The following GRK5 variants were observed in gnomAD, a reference collection of about 807,000 sequenced individuals.
GRK5 encodes g protein-coupled receptor kinase GRK5.
A neutral mutation model predicts 78.4 loss-of-function variants in GRK5; 40 were observed. The ratio of observed to expected loss-of-function variants is 0.51; its 90% CI spans 0.40 to 0.66. GRK5 has a LOEUF of 0.66. Among genes scored for constraint, GRK5 ranks in the 30% least tolerant of loss-of-function variants. The pLI, the probability that GRK5 is intolerant of heterozygous loss-of-function variation, is 0.00. For missense variants in GRK5, 598 were observed against 759.9 expected, an observed-to-expected ratio of 0.79 and a Z score of 2.50; for synonymous variants, 289 against 296.8, an observed-to-expected ratio of 0.97 and a Z score of 0.27.
intron 2 of GRK5, among the ~76,000 whole-genome samples, chr10:119,346,570 G>A (rs1284490083): frequency 6.6e-6 from 1 of 152,204 alleles, no homozygotes; most frequent in South Asian, 2.1e-4. Flanking sequence ...CGTCAGTGCC[G>A]GCTGCTCTGG....
At chr10:119,385,258 T>C (rs927558732) in intron 3 of GRK5, among the ~76,000 whole-genome samples, 3 of 107,856 alleles carry the variant, frequency 2.8e-5, no homozygotes, top group African/African-American at 1.4e-4. Flanking sequence ...TGGGGTTTTA[T>C]TTTATTTTAT....
At chr10:119,229,880 A>G (rs4752265) in intron 1 of GRK5, among the ~76,000 whole-genome samples, 152,242 of 152,346 alleles carry the variant, frequency 1, 76,069 homozygotes, top group Middle Eastern at 1. Context: ...ATTAGGTTTC[A>G]TTGTCTTTTG....
Position 119,436,747 on chromosome 10 carries a change from G to T in GRK5, c.835G>T (p.Gly279Cys). The T allele has an allele frequency of 6.2e-7, 1 of 1,614,192 alleles. No individual in the cohort carries two copies. The highest frequency in any genetic ancestry group is 8.5e-7 in the Non-Finnish European group (1 of 1,180,010). ...GDLKFHIYNM[G>C]NPGFEEERAL... is the part of the protein sequence containing the mutation. ...CCTGAAGTTCCACATCTACAACATG[G>T]GCAACCCTGGCTTCGAGGAGGAGCG... is the stretch of plus-strand genomic sequence containing the variant. Residue 279 changes from glycine (G) to cysteine (C), a missense_variant, in exon 9 of 16, where the codon GGC becomes TGC. Transcript: ENST00000392870.
At position 119,412,169 on chromosome 10, in the gene GRK5, G is replaced by A. The variant is rs1258735107; in HGVS notation, c.340-10997G>A. On this transcript the variant is annotated intron_variant, in intron 4 of 15. Coordinates refer to ENST00000392870, the MANE Select transcript of GRK5 (RefSeq NM_005308.3). This position sits in a 1 kb window ranked among gnomAD's most constrained non-coding sequence, Gnocchi z 4.3. ...CCCGGCCTCAGATCCGCTTCTGATT[G>A]GAGGCTGTGCCCACCTTCATGGGAA... Among the ~76,000 whole-genome samples, 2 of 152,064 alleles carry A rather than the reference G, an allele frequency of 1.3e-5. No individual in the cohort carries two copies. The highest frequency in any genetic ancestry group is 1.3e-4 in the Admixed American group (2 of 15,270).
rs201159409 is a variant in GRK5, at chr10:119,439,799, G to A, written c.967+31G>A. 4.2e-4 allele frequency: 667 copies of A among 1,606,262 alleles called. 2 individuals are homozygous for A. The highest frequency in any genetic ancestry group is 4.5e-4 in the Non-Finnish European group (533 of 1,174,090). On this transcript the variant is annotated intron_variant, in intron 10 of 15. Coordinates refer to ENST00000392870, the MANE Select transcript of GRK5 (RefSeq NM_005308.3). The stretch of plus-strand genomic sequence containing the variant: ...TCTTTTCCTACTCGGTAGCTGAGGT[G>A]AGCATTGCAACCCCAAGAAAGCAAA...
At chr10:119,288,061 T>A (rs1009060185) in intron 1 of GRK5, among the ~76,000 whole-genome samples, 1 of 152,222 alleles carries the variant, frequency 6.6e-6, no homozygotes, top group African/African-American at 2.4e-5. Flanking sequence ...CTCTTAGGGT[T>A]AGCCCAGAGC....
chr10:119,356,343 A>C (rs1328217987), intron 2 of GRK5, among the ~76,000 whole-genome samples: 1 of 152,238 alleles, frequency 6.6e-6, no homozygotes, highest in Non-Finnish European at 1.5e-5. Context: ...GTTGAATGTT[A>C]GTGGTCCATC....
chr10:119,233,054 T>C (rs1421217727), intron 1 of GRK5, among the ~76,000 whole-genome samples: 1 of 152,160 alleles, frequency 6.6e-6, no homozygotes, highest in Non-Finnish European at 1.5e-5. Context: ...GTCAGCTTGG[T>C]CTGGGCCTCC....
At chr10:119,432,120 T>G (rs1217287981) in intron 8 of GRK5, among the ~76,000 whole-genome samples, 1 of 152,182 alleles carries the variant, frequency 6.6e-6, no homozygotes, top group East Asian at 1.9e-4. Flanking sequence ...TGCTAGGGGT[T>G]CCACACAGAG....
At chr10:119,373,097 T>A (rs1851571381) in intron 2 of GRK5, among the ~76,000 whole-genome samples, 1 of 152,250 alleles carries the variant, frequency 6.6e-6, no homozygotes, top group South Asian at 2.1e-4. Flanking sequence ...ATAAAGCAGT[T>A]GGCTGTTGTC....
intron 1 of GRK5, among the ~76,000 whole-genome samples, chr10:119,313,242 G>A (rs1589738509): frequency 6.7e-6 from 1 of 148,872 alleles, no homozygotes; most frequent in Non-Finnish European, 1.5e-5. Flanking sequence ...GATGGTGGTG[G>A]TAATGGTGGT....
chr10:119,221,743 AAT>A (rs1246526131), intron 1 of GRK5, among the ~76,000 whole-genome samples: 2 of 152,150 alleles, frequency 1.3e-5, no homozygotes, highest in Non-Finnish European at 2.9e-5. Context: ...GAAGAATCAT[AAT>A]AATTTGTGAA....
At chr10:119,454,895 C>T (rs1853371283) in intron 15 of GRK5, 74 bp from the exon 16 acceptor site, 13 of 976,242 alleles carry the variant, frequency 1.3e-5, no homozygotes, top group Non-Finnish European at 2.0e-5. Flanking sequence ...GCAGAGGCAG[C>T]CCCGACCCAT....
chr10:119,282,218 T>C (rs1264312021), intron 1 of GRK5, among the ~76,000 whole-genome samples: 1 of 152,178 alleles, frequency 6.6e-6, no homozygotes, highest in Non-Finnish European at 1.5e-5. Context: ...ATTACTTTAG[T>C]ATCGTGAGTG....
At chr10:119,451,175 C>T (rs1452322967) in intron 13 of GRK5, among the ~76,000 whole-genome samples, 1 of 150,178 alleles carries the variant, frequency 6.7e-6, no homozygotes, top group Admixed American at 6.6e-5. Flanking sequence ...ACACCACTGT[C>T]GGGGCTGCTG....
intron 1 of GRK5, among the ~76,000 whole-genome samples, chr10:119,237,806 G>A (rs542839679): frequency 1.3e-5 from 2 of 152,128 alleles, no homozygotes; most frequent in Non-Finnish European, 2.9e-5. Context: ...CAAAGGAAAT[G>A]GAAGCAAGTG....
In GRK5 at chr10:119,240,189, CTTTTTTTTTTTTTT is replaced by C. The variant is rs55905745; in HGVS notation, c.52+32236_52+32249del. On this transcript the variant is annotated intron_variant, in intron 1 of 15. Coordinates refer to ENST00000392870, the MANE Select transcript of GRK5 (RefSeq NM_005308.3). ...ATCCTCTCCAGCATCTGTTTCCCGA[CTTTTTTTTTTTTTT>C]TTTTTTTTTTTTTTTGAGACGGAGT... Among the ~76,000 whole-genome samples, 329 of 70,102 alleles carry C rather than the reference CTTTTTTTTTTTTTT, an allele frequency of 4.7e-3. 3 individuals carry two copies. The highest frequency in any genetic ancestry group is 0.019 in the African/African-American group (314 of 16,220). The allele number at this position is 70,102 out of a possible 152,430, so 46.0% of individuals were successfully genotyped here.
At chr10:119,282,473 C>T (rs1490357821) in intron 1 of GRK5, among the ~76,000 whole-genome samples, 2 of 152,372 alleles carry the variant, frequency 1.3e-5, no homozygotes, top group Middle Eastern at 3.4e-3. Context: ...CCTTGTCTGT[C>T]TCCCTCACCA....
intron 2 of GRK5, among the ~76,000 whole-genome samples, chr10:119,360,844 C>A (rs1851351670): frequency 6.6e-6 from 1 of 152,198 alleles, no homozygotes; most frequent in Non-Finnish European, 1.5e-5. Context: ...ACCCTGGGAA[C>A]ACAGCTCCCT....
Sources: allele counts gnomAD v4.1 joint callset (sites outside exome capture counted in the v4.1 genomes callset), GRCh38; gene constraint gnomAD v4.1.1; non-coding constraint Gnocchi (gnomAD v3.1); transcripts MANE v1.5; gene names NCBI Gene and HGNC (gene_info 2026-07-23, HGNC 2026-07-21).